DCDC2C: variants seen among roughly 807,000 people sequenced by gnomAD.
DCDC2C encodes doublecortin domain-containing protein 2C.
DCDC2C carries 44 observed loss-of-function variants against 45.0 expected under a neutral mutation model. The ratio of observed to expected loss-of-function variants is 0.98; its 90% CI spans 0.77 to 1.26. DCDC2C has a LOEUF of 1.26. Ranked by LOEUF, DCDC2C falls within the 50% of genes most tolerant of loss-of-function variation. DCDC2C has a pLI of 0.00. For missense variants in DCDC2C, 447 were observed against 468.9 expected, an observed-to-expected ratio of 0.95 and a Z score of 0.43; for synonymous variants, 187 against 178.8, an observed-to-expected ratio of 1.05 and a Z score of -0.37.
intron 8 of DCDC2C, among the ~76,000 whole-genome samples, chr2:3,774,946 G>A (rs1483898175): frequency 6.6e-6 from 1 of 152,064 alleles, no homozygotes; most frequent in African/African-American, 2.4e-5. Context: ...TTTGTATTTA[G>A]TAGAGACGGT....
At chr2:3,730,191 C>T (rs1382347275) in intron 3 of DCDC2C, among the ~76,000 whole-genome samples, 1 of 152,146 alleles carries the variant, frequency 6.6e-6, no homozygotes, top group Non-Finnish European at 1.5e-5. Flanking sequence ...TCGCTCAAGC[C>T]TGTAATCATG....
chr2:3,828,121 G>C (rs1372730524), intron 10 of DCDC2C, among the ~76,000 whole-genome samples: 3 of 152,186 alleles, frequency 2.0e-5, no homozygotes, highest in Admixed American at 6.5e-5. Flanking sequence ...GGAACCATCT[G>C]CCATAATAAT....
chr2:3,778,717 G>A lies in DCDC2C; in HGVS notation c.955-99G>A, dbSNP rs528387064. On this transcript the variant is annotated intron_variant, in intron 8 of 10. Transcript: ENST00000399143. Reference sequence around the variant, plus strand: ...AGTGACTTCCCCAGCTCTACCCATAGAAGTGGTCTAGAAGGTCGCACTATT... The same window carrying A: ...AGTGACTTCCCCAGCTCTACCCATAAAAGTGGTCTAGAAGGTCGCACTATT... 7.7e-5 allele frequency: 84 copies of A among 1,092,934 alleles called. No homozygotes were observed. In the African/African-American group the frequency reaches 1.1e-3, roughly 14 times the overall value. 67.7% of individuals were successfully genotyped at this position (1,092,934 alleles called of 1,614,324 possible).
chr2:3,708,332 G>T (rs1486613243), intron 1 of DCDC2C, among the ~76,000 whole-genome samples: 1 of 152,086 alleles, frequency 6.6e-6, no homozygotes, highest in African/African-American at 2.4e-5. Flanking sequence ...CTTTCAAGGG[G>T]CAGTGCCAGT....
chr2:3,816,275 G>A (rs1217244917), intron 10 of DCDC2C, among the ~76,000 whole-genome samples: 1 of 148,454 alleles, frequency 6.7e-6, no homozygotes, highest in African/African-American at 2.5e-5. Flanking sequence ...ACTAAAAATT[G>A]GGAGGACCCA....
chr2:3,728,471 C>T (rs1043645175), intron 3 of DCDC2C, among the ~76,000 whole-genome samples: 1 of 152,198 alleles, frequency 6.6e-6, no homozygotes, highest in Non-Finnish European at 1.5e-5. Context: ...TCCTTCTTGA[C>T]AAAAACGCCA....
chr2:3,830,255 C>G (rs905370344), intron 10 of DCDC2C, among the ~76,000 whole-genome samples: 1 of 151,954 alleles, frequency 6.6e-6, no homozygotes, highest in Admixed American at 6.6e-5. Flanking sequence ...AACCTAGCCA[C>G]TTGGTATTTC....
In DCDC2C at chr2:3,847,713, A is replaced by T. The variant is rs1672366991; in HGVS notation, c.*530A>T. Among the ~76,000 whole-genome samples the T allele has an allele frequency of 6.6e-6, 1 of 152,182 alleles. No homozygotes were observed. The highest frequency in any genetic ancestry group is 1.5e-5 in the Non-Finnish European group (1 of 68,036). ...TGTCCTCACTCAAATCTCATGTCGA[A>T]TTGTAATCCCCATGTGTTGGAGGAG... On this transcript the variant is annotated 3_prime_UTR_variant, in exon 11 of 11. Coordinates refer to ENST00000399143, the MANE Select transcript of DCDC2C (RefSeq NM_001287444.2).
chr2:3,754,722 C>A, intron 6 of DCDC2C, 88 bp downstream of exon 6: 2 of 1,203,592 alleles, frequency 1.7e-6, no homozygotes, highest in Non-Finnish European at 2.3e-6. Context: ...GGGTGACGGC[C>A]CGAGCTGTAA....
At chr2:3,831,556 T>C (rs1671952861) in intron 10 of DCDC2C, among the ~76,000 whole-genome samples, 1 of 152,232 alleles carries the variant, frequency 6.6e-6, no homozygotes, top group Admixed American at 6.5e-5. Flanking sequence ...CCATTGGACA[T>C]GTGGCCTTTT....
At chr2:3,838,647 G>A (rs543564286) in intron 10 of DCDC2C, among the ~76,000 whole-genome samples, 4 of 152,314 alleles carry the variant, frequency 2.6e-5, no homozygotes, top group Admixed American at 6.5e-5. Context: ...TCTGGAGACA[G>A]TGGTGGGTGC....
At chr2:3,704,078 C>T in intron 1 of DCDC2C, 40 bp downstream of exon 1, 2 of 1,237,868 alleles carry the variant, frequency 1.6e-6, no homozygotes, top group Admixed American at 4.2e-5. Flanking sequence ...TGCGCCCCTC[C>T]CCGCCCTCTT....
intron 10 of DCDC2C, among the ~76,000 whole-genome samples, chr2:3,813,426 C>T (rs1283496703): frequency 6.6e-6 from 1 of 152,086 alleles, no homozygotes; most frequent in Non-Finnish European, 1.5e-5. Context: ...GATAGGTCCA[C>T]TTTATCCAGA....
chr2:3,777,019 C>T (rs1288060570), intron 8 of DCDC2C, among the ~76,000 whole-genome samples: 2 of 152,134 alleles, frequency 1.3e-5, no homozygotes, highest in Non-Finnish European at 2.9e-5. Context: ...CCTGTGTTAC[C>T]ATCTCTCTGG....
At chr2:3,836,861 CA>C (rs58586640) in intron 10 of DCDC2C, among the ~76,000 whole-genome samples, 54 of 136,510 alleles carry the variant, frequency 4.0e-4, no homozygotes, top group African/African-American at 4.4e-4. Flanking sequence ...GACTCCGTCT[CA>C]AAAAAAAAAA....
chr2:3,718,589 A>G (rs1030104749), intron 2 of DCDC2C, among the ~76,000 whole-genome samples: 4 of 152,186 alleles, frequency 2.6e-5, no homozygotes, highest in Non-Finnish European at 5.9e-5. Context: ...GAGAAAGTCC[A>G]GGGCCTTGTG....
Position 3,767,900 on chromosome 2 carries a change from T to C in DCDC2C, c.853+20T>C. ...GTGCAGGTGACGTGCAGTTTCATTC[T>C]GCTGTAGGCAGTTCGAAACTTTACC... On this transcript the variant is annotated intron_variant, in intron 7 of 10. Transcript: ENST00000399143. 1 of 1,447,900 alleles carries C rather than the reference T, an allele frequency of 6.9e-7. No individual in the cohort carries two copies. Among genetic ancestry groups the C allele is most frequent in the Non-Finnish European group, 9.1e-7 (1 of 1,103,064 alleles). 89.7% of individuals were successfully genotyped at this position (1,447,900 alleles called of 1,614,324 possible). A position where few individuals can be genotyped will look rare whatever the true frequency, so the allele number is the denominator to read the frequency against.
At chr2:3,788,569 C>T (rs1670716219) in intron 10 of DCDC2C, 1 of 151,840 alleles carries the variant, frequency 6.6e-6, no homozygotes, top group Non-Finnish European at 1.5e-5. Flanking sequence ...AATAAATGTG[C>T]TATTAGTTAA....
At chr2:3,813,058 TATA>T (rs1558238677) in intron 10 of DCDC2C, among the ~76,000 whole-genome samples, 2 of 93,332 alleles carry the variant, frequency 2.1e-5, no homozygotes. Flanking sequence ...TATATATATA[TATA>T]TATATATTTT....
Sources: gnomAD v4.1 joint callset for allele counts (sites outside exome capture counted in the v4.1 genomes callset) on GRCh38, gnomAD v4.1.1 for gene constraint, MANE v1.5 for transcripts, NCBI Gene and HGNC (gene_info 2026-07-23, HGNC 2026-07-21) for gene names.